ZFHX3: variants seen among roughly 807,000 people sequenced by gnomAD.
ZFHX3 encodes the protein zinc finger homeobox protein 3.
ZFHX3 carries 42 observed loss-of-function variants against 279.1 expected under a neutral mutation model. That is an observed-to-expected ratio of 0.15 (90% CI 0.12 to 0.19). The LOEUF (loss-of-function observed/expected upper bound fraction) is 0.19. Among genes scored for constraint, ZFHX3 ranks in the 10% least tolerant of loss-of-function variants. The pLI is 1.00. For synonymous variants in ZFHX3, 2,293 were observed against 1,957.8 expected (o/e 1.17, Z -4.52); for missense variants, 4,981 against 4,754.0 (o/e 1.05, Z -1.40).
At chr16:72,805,127 A>G (rs1217687125) in intron 7 of ZFHX3, among the ~76,000 whole-genome samples, 1 of 150,800 alleles carries the variant, frequency 6.6e-6, no homozygotes, top group Non-Finnish European at 1.5e-5. Context: ...ACAGATGTGC[A>G]CCACCACGCC....
At chr16:73,138,831 G>T (rs1966837024) in intron 6 of ZFHX3, among the ~76,000 whole-genome samples, 1 of 152,120 alleles carries the variant, frequency 6.6e-6, no homozygotes, top group Admixed American at 6.5e-5. Context: ...GGGACCACAG[G>T]CACGCACCAC....
chr16:73,682,954 G>GAA (rs535556489), intron 1 of ZFHX3, among the ~76,000 whole-genome samples: 7 of 17,346 alleles, frequency 4.0e-4, no homozygotes, highest in African/African-American at 1.4e-3. Flanking sequence ...AAGAAAGAAA[G>GAA]AAAGAAAGAA....
At chr16:73,619,516 A>ATG (rs2052337795) in intron 2 of ZFHX3, among the ~76,000 whole-genome samples, 1 of 149,986 alleles carries the variant, frequency 6.7e-6, no homozygotes, top group Non-Finnish European at 1.5e-5. Flanking sequence ...ATATATATAT[A>ATG]TATGTCTGTA....
chr16:73,573,956 G>A (rs976782639), intron 2 of ZFHX3, among the ~76,000 whole-genome samples: 31 of 152,230 alleles, frequency 2.0e-4, no homozygotes, highest in Admixed American at 9.8e-4. Flanking sequence ...CTGCTTACCT[G>A]TATCCTCTCT....
At chr16:73,375,581 T>A (rs1053806707) in intron 3 of ZFHX3, among the ~76,000 whole-genome samples, 9 of 152,188 alleles carry the variant, frequency 5.9e-5, no homozygotes, top group Admixed American at 3.9e-4. Flanking sequence ...TAGAGATATT[T>A]AAGATAAAAT....
intron 2 of ZFHX3, among the ~76,000 whole-genome samples, chr16:73,652,959 C>G (rs994751820): frequency 6.6e-6 from 1 of 151,868 alleles, no homozygotes; most frequent in Non-Finnish European, 1.5e-5. Flanking sequence ...AAAACAAAAT[C>G]AATTCATAAT....
intron 7 of ZFHX3, among the ~76,000 whole-genome samples, chr16:73,112,274 C>A (rs939552582): frequency 2.6e-5 from 4 of 151,700 alleles, no homozygotes; most frequent in African/African-American, 9.7e-5. Flanking sequence ...CAAGCAGGAG[C>A]CTACAGAGGA....
chr16:73,495,008 T>C (rs1296287249), intron 2 of ZFHX3, among the ~76,000 whole-genome samples: 1 of 152,256 alleles, frequency 6.6e-6, no homozygotes, highest in Admixed American at 6.5e-5. Flanking sequence ...CAATCGTTTC[T>C]GCATTTGCCC....
intron 7 of ZFHX3, among the ~76,000 whole-genome samples, chr16:73,110,914 C>A (rs1404272141): frequency 6.6e-6 from 1 of 151,916 alleles, no homozygotes; most frequent in Non-Finnish European, 1.5e-5. Context: ...AGAATAATAA[C>A]AGTAAGGATG....
intron 4 of ZFHX3, among the ~76,000 whole-genome samples, chr16:72,873,812 G>A (rs2038227241): frequency 6.6e-6 from 1 of 152,138 alleles, no homozygotes; most frequent in Non-Finnish European, 1.5e-5. Flanking sequence ...TCAGTCTACG[G>A]AGCTTGCTTC....
chr16:73,120,693 C>T (rs1362998791), intron 7 of ZFHX3, among the ~76,000 whole-genome samples: 7 of 131,430 alleles, frequency 5.3e-5, no homozygotes, highest in African/African-American at 1.8e-4. Context: ...CTCGCTCTGT[C>T]GCCCAGGCTG....
At chr16:73,442,325 T>G (rs1249527793) in intron 3 of ZFHX3, among the ~76,000 whole-genome samples, 1 of 151,910 alleles carries the variant, frequency 6.6e-6, no homozygotes, top group Non-Finnish European at 1.5e-5. Context: ...ATCTTTGTAC[T>G]GTCTTTCCTT....
At chr16:72,947,039 G>A (rs772662828) in intron 3 of ZFHX3, among the ~76,000 whole-genome samples, 2 of 152,220 alleles carry the variant, frequency 1.3e-5, no homozygotes, top group African/African-American at 4.8e-5. Context: ...GGGATCCCAA[G>A]ACGGTAAATG....
chr16:73,325,525 A>G (rs2015663981), intron 3 of ZFHX3, among the ~76,000 whole-genome samples: 1 of 152,078 alleles, frequency 6.6e-6, no homozygotes, highest in African/African-American at 2.4e-5. Flanking sequence ...ATCCATTCTT[A>G]TTTCATATCA....
At chr16:73,448,315 C>T (rs1049784369) in intron 3 of ZFHX3, among the ~76,000 whole-genome samples, 1 of 151,992 alleles carries the variant, frequency 6.6e-6, no homozygotes, top group African/African-American at 2.4e-5. Flanking sequence ...TAGTACTATG[C>T]CGTAGAATAG....
chr16:73,177,604 T>C (rs533110815), intron 5 of ZFHX3, among the ~76,000 whole-genome samples: 2 of 152,244 alleles, frequency 1.3e-5, no homozygotes, highest in African/African-American at 4.8e-5. Context: ...ACAGCCAATA[T>C]GGTTATATTA....
At chr16:73,860,670 C>T (rs1195786351) in intron 1 of ZFHX3, among the ~76,000 whole-genome samples, 2 of 152,184 alleles carry the variant, frequency 1.3e-5, no homozygotes, top group Non-Finnish European at 2.9e-5. Flanking sequence ...GACACTTCAC[C>T]TTCCTTCGGC....
chr16:73,787,814 AGTGTGTGTGTGTGTGTGTGT>A (rs72236616), intron 1 of ZFHX3, among the ~76,000 whole-genome samples: 1 of 137,972 alleles, frequency 7.2e-6, no homozygotes, highest in Admixed American at 7.3e-5. Context: ...GTTTTCTTAA[AGTGTGTGTGTGTGTGTGTGT>A]GTGTGTGTGT....
chr16:73,717,645 A>C (rs2053429200), intron 1 of ZFHX3, among the ~76,000 whole-genome samples: 1 of 152,046 alleles, frequency 6.6e-6, no homozygotes, highest in Non-Finnish European at 1.5e-5. Flanking sequence ...GGAGGGTTGG[A>C]GCTTACTCTC....
Sources: allele counts gnomAD v4.1 joint callset (sites outside exome capture counted in the v4.1 genomes callset), GRCh38; gene constraint gnomAD v4.1.1; transcripts MANE v1.5; gene names NCBI Gene and HGNC (gene_info 2026-07-23, HGNC 2026-07-21).